The following ADCY7 variants were observed in gnomAD, a reference collection of about 807,000 sequenced individuals.
ADCY7 encodes adenylate cyclase 7.
ADCY7 carries 72 observed loss-of-function variants against 120.6 expected under a neutral mutation model. The ratio of observed to expected loss-of-function variants is 0.60; its 90% CI spans 0.49 to 0.73. The LOEUF is 0.73. Ranked by LOEUF, ADCY7 falls within the 30% of genes least tolerant of loss-of-function variation. ADCY7 has a pLI of 0.00. For missense variants in ADCY7, 1,227 were observed against 1,486.0 expected (o/e 0.83, Z 2.87); for synonymous variants, 661 against 628.0 (o/e 1.05, Z -0.78).
chr16:50,256,688 C>T (rs2032925667), intron 1 of ADCY7, among the ~76,000 whole-genome samples: 1 of 151,436 alleles, frequency 6.6e-6, no homozygotes, highest in African/African-American at 2.4e-5. Context: ...GGGCAAGACC[C>T]TGTCTCCAAA....
At chr16:50,309,360 T>A (rs2036295838) in intron 17 of ADCY7, among the ~76,000 whole-genome samples, 188 bp from the exon 18 acceptor site, 1 of 152,210 alleles carries the variant, frequency 6.6e-6, no homozygotes, top group African/African-American at 2.4e-5. Flanking sequence ...TCCTAGCCCC[T>A]CTGCCCTCTG....
intron 15 of ADCY7, among the ~76,000 whole-genome samples, chr16:50,307,695 T>C (rs909894738): frequency 6.6e-6 from 1 of 152,132 alleles, no homozygotes; most frequent in Non-Finnish European, 1.5e-5. Flanking sequence ...TTGGCTATGC[T>C]TACTAAAGAC....
At chr16:50,259,734 G>A (rs1489772643) in intron 1 of ADCY7, among the ~76,000 whole-genome samples, 1 of 152,218 alleles carries the variant, frequency 6.6e-6, no homozygotes, top group Non-Finnish European at 1.5e-5. Context: ...TGGGAAAGAT[G>A]CTGTTTACTT....
upstream of ADCY7, among the ~76,000 whole-genome samples, chr16:50,245,408 G>T (rs2032548328): frequency 6.6e-6 from 1 of 152,196 alleles, no homozygotes; most frequent in Admixed American, 6.5e-5. Flanking sequence ...TGCCCTCGTA[G>T]ACTTGATTAC....
Position 50,310,786 on chromosome 16 carries a change from G to C in ADCY7, c.2260G>C (p.Ala754Pro). Residue 754 changes from alanine (A) to proline (P), a missense_variant, in exon 19 of 26, where the codon GCC (alanine) becomes CCC (proline). By Grantham distance (27) the Ala-to-Pro change is conservative. Transcript: ENST00000673801. ...KVVLLTVALV[A>P]YLVLFNLSPC... is the part of the protein sequence containing the mutation. ...TGTGCTGCTGACAGTGGCCCTGGTG[G>C]CCTACCTGGTGCTCTTCAACCTCTC... The C allele has an allele frequency of 6.2e-7, 1 of 1,614,166 alleles. No individual in the cohort carries two copies. The highest frequency in any genetic ancestry group is 1.7e-5 in the Admixed American group (1 of 60,018).
chr16:50,278,829 T>C (rs17216076), intron 1 of ADCY7, among the ~76,000 whole-genome samples: 28,244 of 151,298 alleles, frequency 0.19, 2,779 homozygotes, highest in Middle Eastern at 0.31. Context: ...TTACTCTGGG[T>C]TGCATCTGTC....
intron 1 of ADCY7, among the ~76,000 whole-genome samples, chr16:50,257,341 G>A (rs1357489875): frequency 6.6e-6 from 1 of 152,190 alleles, no homozygotes; most frequent in Non-Finnish European, 1.5e-5. Flanking sequence ...GGGAGAGATA[G>A]AGAGAGGTCA....
At chr16:50,270,948 C>G (rs2033532071) in intron 1 of ADCY7, among the ~76,000 whole-genome samples, 1 of 152,200 alleles carries the variant, frequency 6.6e-6, no homozygotes, top group South Asian at 2.1e-4. Context: ...CCACCAAGGA[C>G]AGTAGCATGG....
chr16:50,250,735 G>A (rs1011760178), intron 1 of ADCY7, among the ~76,000 whole-genome samples: 3 of 152,140 alleles, frequency 2.0e-5, no homozygotes, highest in African/African-American at 4.8e-5. Context: ...TTAAAGTATT[G>A]TATCAACATT....
upstream of ADCY7, among the ~76,000 whole-genome samples, chr16:50,245,754 G>A (rs918638642): frequency 3.3e-5 from 5 of 152,146 alleles, no homozygotes; most frequent in Non-Finnish European, 7.4e-5. Context: ...GCAGGGGGAG[G>A]GGAGGCCTGG....
chr16:50,308,175 G>A (rs1301504473), intron 15 of ADCY7, 152 bp from the exon 16 acceptor site: 2 of 1,291,570 alleles, frequency 1.5e-6, no homozygotes, highest in Admixed American at 3.8e-5. Flanking sequence ...TGCCCATGGG[G>A]CAGCTGGGCC....
chr16:50,298,690 C>T (rs1284738019), intron 7 of ADCY7, among the ~76,000 whole-genome samples: 2 of 152,222 alleles, frequency 1.3e-5, no homozygotes, highest in Non-Finnish European at 2.9e-5. Context: ...TCGTGTTCAC[C>T]TCTGGTGCTT....
intron 1 of ADCY7, among the ~76,000 whole-genome samples, chr16:50,266,927 C>T (rs957995135): frequency 2.3e-4 from 35 of 152,238 alleles, no homozygotes; most frequent in Admixed American, 5.9e-4. Flanking sequence ...CAAGAAAGTG[C>T]GGTTGTGACC....
intron 1 of ADCY7, among the ~76,000 whole-genome samples, chr16:50,284,867 C>T (rs770368603): frequency 3.3e-5 from 5 of 152,114 alleles, no homozygotes; most frequent in Admixed American, 1.3e-4. Context: ...TGGCCTTTGC[C>T]GGTTGTGAAG....
intron 1 of ADCY7, among the ~76,000 whole-genome samples, chr16:50,250,308 T>C (rs1647232728): frequency 6.6e-6 from 1 of 151,860 alleles, no homozygotes; most frequent in Admixed American, 6.6e-5. Context: ...ATACAAAAAA[T>C]TAGCTGGGCA....
chr16:50,314,419 G>T lies in ADCY7; in HGVS notation c.2971+13G>T. On this transcript the variant is annotated intron_variant, in intron 24 of 25. Transcript: ENST00000673801. ...CGCCTCCGCGTCGGTGAGCCCGGGTGATGGAGCGGGGTGGGGAGCCCCTGC... is the reference window on the plus strand; with the variant it reads ...CGCCTCCGCGTCGGTGAGCCCGGGTTATGGAGCGGGGTGGGGAGCCCCTGC... 6.2e-7 allele frequency: 1 copy of T among 1,608,846 alleles called. No individual in the cohort carries two copies.
At position 50,315,158 on chromosome 16, in the gene ADCY7, G is replaced by A. The variant is rs1323474241; in HGVS notation, c.3096+20G>A. ...ATCCAGGTAAAGACCTATTGGGGAA[G>A]CAGTTGACTAAGGGGAAAAGATCTT... On this transcript the variant is annotated intron_variant, in intron 25 of 25. Transcript: ENST00000673801. 3 of 1,613,362 alleles carry A rather than the reference G, an allele frequency of 1.9e-6. No homozygotes were observed. The African/African-American group carries it at 4.0e-5, about 22-fold the overall frequency.
At position 50,305,831 on chromosome 16, in the gene ADCY7, G is replaced by A. The variant is rs763375197; in HGVS notation, c.1734G>A (p.Glu578=). The change falls in exon 14 of 26, where the codon GAG becomes GAA. Residue 578 remains glutamate (E), a synonymous_variant. Transcript: ENST00000673801. ...DFYTFGSIFL[E]KGFEREYRLA... The stretch of plus-strand genomic sequence containing the variant: ...ACACCTTTGGGTCCATCTTCCTGGA[G>A]AAGGGCTTTGAGCGCGAGGTGAGGG... 4 of 1,613,870 alleles carry A rather than the reference G, an allele frequency of 2.5e-6. No homozygotes were observed. The highest frequency in any genetic ancestry group is 1.7e-5 in the Admixed American group (1 of 60,030).
upstream of ADCY7, among the ~76,000 whole-genome samples, chr16:50,262,375 A>C (rs1406107656): frequency 6.6e-6 from 1 of 151,196 alleles, no homozygotes; most frequent in Non-Finnish European, 1.5e-5. Flanking sequence ...CTCCCACCTC[A>C]GCCTCCCGAG....
Sources: gnomAD v4.1 joint callset for allele counts (sites outside exome capture counted in the v4.1 genomes callset) on GRCh38, gnomAD v4.1.1 for gene constraint, MANE v1.5 for transcripts, NCBI Gene and HGNC (gene_info 2026-07-23, HGNC 2026-07-21) for gene names.